Variants in BBS9 observed in about 807,000 individuals in gnomAD.
BBS9 encodes the protein Bardet-Biedl syndrome 9, also known as protein PTHB1.
In BBS9, 89 loss-of-function variants were observed where a neutral mutation model predicts 117.7. The ratio of observed to expected loss-of-function variants is 0.76; its 90% CI spans 0.64 to 0.90. BBS9 has a LOEUF of 0.90. BBS9 is among the 40% of genes least tolerant of loss of function. The probability of loss-of-function intolerance (pLI) is 0.00; values close to 1 mark genes in which losing one functional copy is unlikely to be tolerated. For synonymous variants in BBS9, 379 were observed against 370.9 expected, an observed-to-expected ratio of 1.02 and a Z score of -0.25; for missense variants, 982 against 1,042.2, an observed-to-expected ratio of 0.94 and a Z score of 0.80.
intron 20 of BBS9, among the ~76,000 whole-genome samples, chr7:33,507,381 C>T (rs867516833): frequency 6.6e-6 from 1 of 152,122 alleles, no homozygotes; most frequent in South Asian, 2.1e-4. Context: ...GCTGGGATTA[C>T]AGGTGCGTGC....
intron 4 of BBS9, among the ~76,000 whole-genome samples, chr7:33,166,364 T>C (rs1368635566): frequency 6.6e-6 from 1 of 152,350 alleles, no homozygotes; most frequent in Admixed American, 6.5e-5. Context: ...TAAAACACCA[T>C]GCTGGGAGAA....
Position 33,505,696 on chromosome 7 carries a change from G to A in BBS9, c.2298+51G>A, listed in dbSNP as rs376546745. 4.9e-5 allele frequency: 78 copies of A among 1,591,572 alleles called. No homozygotes were observed. In the African/African-American group the frequency reaches 8.6e-4, roughly 18 times the overall value. ...GAACAGCCAGCATTATTGAAGTTTCGGCTTTAGGAAGATATCACATGGCTA... is the reference window on the plus strand; with the variant it reads ...GAACAGCCAGCATTATTGAAGTTTCAGCTTTAGGAAGATATCACATGGCTA... On this transcript the variant is annotated intron_variant, in intron 20 of 22. Transcript: ENST00000242067.
At chr7:33,490,578 TTTA>T (rs1843755442) in intron 19 of BBS9, among the ~76,000 whole-genome samples, 1 of 152,186 alleles carries the variant, frequency 6.6e-6, no homozygotes. Context: ...CTCACAAATG[TTTA>T]TTAACCCCAG....
chr7:33,261,097 C>T (rs1797915378), intron 6 of BBS9, among the ~76,000 whole-genome samples: 1 of 151,042 alleles, frequency 6.6e-6, no homozygotes, highest in African/African-American at 2.4e-5. Flanking sequence ...CTGTCTATCT[C>T]CTATGTCTGA....
At chr7:33,464,581 A>G (rs930483733) in intron 19 of BBS9, among the ~76,000 whole-genome samples, 7 of 152,058 alleles carry the variant, frequency 4.6e-5, no homozygotes, top group African/African-American at 1.7e-4. Flanking sequence ...CATCTGTTCA[A>G]TAATTTTTTT....
At chr7:33,353,191 C>G (rs1818988642) in intron 15 of BBS9, among the ~76,000 whole-genome samples, 1 of 152,124 alleles carries the variant, frequency 6.6e-6, no homozygotes, top group Non-Finnish European at 1.5e-5. Context: ...GCTGCATGCT[C>G]TGTTATTTTA....
At chr7:33,464,444 G>T (rs1466527666) in intron 19 of BBS9, among the ~76,000 whole-genome samples, 1 of 152,032 alleles carries the variant, frequency 6.6e-6, no homozygotes, top group Admixed American at 6.6e-5. Flanking sequence ...TATGAAACTG[G>T]AAAACTTCTT....
chr7:33,500,959 C>T (rs891940222), intron 19 of BBS9, among the ~76,000 whole-genome samples: 1 of 152,142 alleles, frequency 6.6e-6, no homozygotes, highest in East Asian at 1.9e-4. Context: ...ATTTGGAAAC[C>T]TTCAATTTGA....
chr7:33,620,579 G>GA (rs1304033138), intron 21 of BBS9, among the ~76,000 whole-genome samples: 5 of 151,120 alleles, frequency 3.3e-5, no homozygotes, highest in East Asian at 3.9e-4. Flanking sequence ...AAGCATTGAT[G>GA]AAAAAAAAGG....
At chr7:33,317,113 C>A (rs1387762064) in intron 9 of BBS9, among the ~76,000 whole-genome samples, 1 of 152,144 alleles carries the variant, frequency 6.6e-6, no homozygotes, top group South Asian at 2.1e-4. Flanking sequence ...AAAAGACTTT[C>A]CTTTCCTCTT....
At chr7:33,215,752 T>C (rs1788932860) in intron 5 of BBS9, among the ~76,000 whole-genome samples, 2 of 152,198 alleles carry the variant, frequency 1.3e-5, no homozygotes, top group Admixed American at 1.3e-4. Context: ...AGCCAAGCAC[T>C]GAAGGACAAA....
chr7:33,569,769 T>C (rs1857491131), intron 21 of BBS9, among the ~76,000 whole-genome samples: 1 of 151,522 alleles, frequency 6.6e-6, no homozygotes, highest in Non-Finnish European at 1.5e-5. Flanking sequence ...TTCAAAAAAA[T>C]AAAATAAAAT....
Position 33,617,072 on chromosome 7 carries a change from C to T in BBS9, c.2522-18105C>T, listed in dbSNP as rs571253679. Among the ~76,000 whole-genome samples the T allele has an allele frequency of 9.2e-5, 14 of 151,910 alleles. No homozygotes were observed. The South Asian group carries it at 2.7e-3, about 29-fold the overall frequency. ...TTTTTTTAAATAAACGGGTAGTATT[C>T]CATAGTGTATATATAAATATACTAT... On this transcript the variant is annotated intron_variant, in intron 21 of 21. Coordinates refer to the BBS9 transcript ENST00000671952.
intron 20 of BBS9, among the ~76,000 whole-genome samples, chr7:33,526,335 G>T (rs1176588145): frequency 6.6e-6 from 1 of 152,180 alleles, no homozygotes; most frequent in Non-Finnish European, 1.5e-5. Flanking sequence ...ATAATATCCT[G>T]TAGAGTGTTT....
At chr7:33,249,483 C>A (rs1467689471) in intron 5 of BBS9, among the ~76,000 whole-genome samples, 1 of 151,592 alleles carries the variant, frequency 6.6e-6, no homozygotes, top group African/African-American at 2.4e-5. Context: ...GCCTCTACCC[C>A]CCATCCCCAC....
At chr7:33,327,610 A>C (rs1315199572) in intron 9 of BBS9, among the ~76,000 whole-genome samples, 1 of 152,172 alleles carries the variant, frequency 6.6e-6, no homozygotes, top group Non-Finnish European at 1.5e-5. Flanking sequence ...GAGGCAGGTC[A>C]CTTGAGCCCT....
chr7:33,458,505 T>A (rs1838977805), intron 19 of BBS9, among the ~76,000 whole-genome samples: 1 of 152,174 alleles, frequency 6.6e-6, no homozygotes, highest in African/African-American at 2.4e-5. Context: ...CCAGTTTTTC[T>A]TTGCGGAAAA....
At chr7:33,575,203 GC>G (rs951012691) in intron 21 of BBS9, among the ~76,000 whole-genome samples, 1 of 152,106 alleles carries the variant, frequency 6.6e-6, no homozygotes, top group African/African-American at 2.4e-5. Context: ...CATGCTCTTG[GC>G]TGGCCCAGTA....
chr7:33,368,602 A>G (rs191089977), intron 17 of BBS9, among the ~76,000 whole-genome samples: 7 of 151,572 alleles, frequency 4.6e-5, no homozygotes, highest in Admixed American at 2.0e-4. Context: ...ACACACACAC[A>G]CACACACACA....
Sources: allele counts gnomAD v4.1 joint callset (sites outside exome capture counted in the v4.1 genomes callset), GRCh38; gene constraint gnomAD v4.1.1; transcripts MANE v1.5; gene names NCBI Gene and HGNC (gene_info 2026-07-23, HGNC 2026-07-21).